The following TFEC variants were observed in gnomAD, a reference collection of about 807,000 sequenced individuals.
TFEC encodes the protein transcription factor EC, also known as class E basic helix-loop-helix protein 34.
In TFEC, 31 loss-of-function variants were observed where a neutral mutation model predicts 41.6. The observed-to-expected ratio is 0.74, with a 90% CI of 0.56 to 1.01. TFEC has a LOEUF of 1.01. TFEC is among the 50% of genes least tolerant of loss of function. TFEC has a pLI of 0.00. For missense variants in TFEC, 402 were observed against 404.1 expected, an observed-to-expected ratio of 0.99 and a Z score of 0.04; for synonymous variants, 143 against 140.6, an observed-to-expected ratio of 1.02 and a Z score of -0.12.
intron 1 of TFEC, among the ~76,000 whole-genome samples, chr7:116,001,903 C>A (rs78568522): frequency 1.3e-5 from 2 of 152,052 alleles, no homozygotes; most frequent in African/African-American, 4.8e-5. Context: ...AGAAGACATA[C>A]AAAAAGGTAT....
At chr7:116,056,534 T>G (rs1488382025) in intron 3 of TFEC, among the ~76,000 whole-genome samples, 3 of 152,104 alleles carry the variant, frequency 2.0e-5, no homozygotes, top group East Asian at 3.8e-4. Context: ...ATGGTGCCAT[T>G]TCCCACCAGC....
chr7:116,139,844 G>A (rs1798504883), intron 1 of TFEC, among the ~76,000 whole-genome samples: 1 of 152,146 alleles, frequency 6.6e-6, no homozygotes, highest in African/African-American at 2.4e-5. Flanking sequence ...ATACACAAAT[G>A]AGCATAGGAT....
At chr7:116,063,649 T>C (rs1026345781) in intron 3 of TFEC, among the ~76,000 whole-genome samples, 1 of 152,074 alleles carries the variant, frequency 6.6e-6, no homozygotes, top group Non-Finnish European at 1.5e-5. Flanking sequence ...GGGGTGATGA[T>C]GGATATATTT....
At chr7:115,995,286 T>C (rs191457584) in intron 1 of TFEC, among the ~76,000 whole-genome samples, 20 of 151,968 alleles carry the variant, frequency 1.3e-4, no homozygotes, top group African/African-American at 4.6e-4. Flanking sequence ...ATGGCACATG[T>C]ATACATATGT....
chr7:116,006,803 G>A (rs1419731623), intron 1 of TFEC, among the ~76,000 whole-genome samples: 1 of 152,098 alleles, frequency 6.6e-6, no homozygotes, highest in Non-Finnish European at 1.5e-5. Flanking sequence ...CACATGTTGT[G>A]GGAGGAACCT....
chr7:116,115,321 C>A (rs1584535605), intron 1 of TFEC, among the ~76,000 whole-genome samples: 1 of 151,936 alleles, frequency 6.6e-6, no homozygotes, highest in Non-Finnish European at 1.5e-5. Context: ...ATTTTTTGCT[C>A]TTATACTTCT....
intron 1 of TFEC, among the ~76,000 whole-genome samples, chr7:115,997,496 C>G (rs1056626430): frequency 6.7e-6 from 1 of 149,146 alleles, no homozygotes; most frequent in Admixed American, 6.7e-5. Context: ...ACAAACCAGC[C>G]CGGACTGAAA....
intron 6 of TFEC, among the ~76,000 whole-genome samples, chr7:115,944,423 T>C (rs1004683935): frequency 1.3e-5 from 2 of 151,558 alleles, no homozygotes; most frequent in African/African-American, 2.4e-5. Flanking sequence ...AGATTGTCAT[T>C]GCCTGGTCAT....
chr7:116,057,311 A>T (rs1397139254), intron 3 of TFEC, among the ~76,000 whole-genome samples: 1 of 152,074 alleles, frequency 6.6e-6, no homozygotes, highest in African/African-American at 2.4e-5. Flanking sequence ...TCAAGAAGCT[A>T]AATTAACTCC....
intron 3 of TFEC, among the ~76,000 whole-genome samples, chr7:116,037,344 G>A (rs1584434072): frequency 6.6e-6 from 1 of 151,848 alleles, no homozygotes; most frequent in Non-Finnish European, 1.5e-5. Flanking sequence ...AAAAATCTAA[G>A]GCAAAGGAAA....
At chr7:116,142,139 T>C (rs376933066) in intron 1 of TFEC, among the ~76,000 whole-genome samples, 1 of 152,134 alleles carries the variant, frequency 6.6e-6, no homozygotes, top group Admixed American at 6.6e-5. Context: ...CCAAGTACAA[T>C]TTTCTATGAT....
intron 3 of TFEC, among the ~76,000 whole-genome samples, chr7:116,100,245 A>G (rs1412784998): frequency 6.6e-6 from 1 of 152,180 alleles, no homozygotes; most frequent in Non-Finnish European, 1.5e-5. Flanking sequence ...TCTATTTGAA[A>G]ATAGTCTAAA....
chr7:115,947,881 A>C (rs905613013), intron 6 of TFEC, among the ~76,000 whole-genome samples: 1 of 152,008 alleles, frequency 6.6e-6, no homozygotes, highest in African/African-American at 2.4e-5. Context: ...GACACAAAAA[A>C]CCCTTCAAAA....
intron 1 of TFEC, among the ~76,000 whole-genome samples, chr7:115,999,629 G>A (rs1481370736): frequency 6.6e-6 from 1 of 151,642 alleles, no homozygotes; most frequent in Non-Finnish European, 1.5e-5. Context: ...TGAAATGAGA[G>A]ATGAAAAAGG....
intron 3 of TFEC, among the ~76,000 whole-genome samples, chr7:116,074,500 G>T (rs1473893208): frequency 2.0e-5 from 3 of 152,134 alleles, no homozygotes; most frequent in African/African-American, 7.2e-5. Context: ...ATTAGCACAT[G>T]AAAAGATGTT....
At chr7:116,054,208 G>T (rs1796377939) in intron 3 of TFEC, among the ~76,000 whole-genome samples, 1 of 152,154 alleles carries the variant, frequency 6.6e-6, no homozygotes, top group Non-Finnish European at 1.5e-5. Context: ...TATGAATTGT[G>T]GGAAGAATCG....
At chr7:116,119,545 A>G (rs568340239) in intron 1 of TFEC, among the ~76,000 whole-genome samples, 4 of 151,932 alleles carry the variant, frequency 2.6e-5, no homozygotes, top group Admixed American at 2.6e-4. Flanking sequence ...AAAAACACTG[A>G]ATTATACACT....
At chr7:116,097,605 T>A (rs887794860) in intron 3 of TFEC, among the ~76,000 whole-genome samples, 2 of 152,178 alleles carry the variant, frequency 1.3e-5, no homozygotes, top group African/African-American at 4.8e-5. Flanking sequence ...GGATGATTCA[T>A]ATTCCACAGG....
At chr7:116,092,208 C>A (rs1238054644) in intron 3 of TFEC, among the ~76,000 whole-genome samples, 1 of 152,148 alleles carries the variant, frequency 6.6e-6, no homozygotes, top group Non-Finnish European at 1.5e-5. Flanking sequence ...AACTCGAAAG[C>A]ACTTTCACAT....
Sources: gnomAD v4.1 joint callset for allele counts (sites outside exome capture counted in the v4.1 genomes callset) on GRCh38, gnomAD v4.1.1 for gene constraint, MANE v1.5 for transcripts, NCBI Gene and HGNC (gene_info 2026-07-23, HGNC 2026-07-21) for gene names.